The following TPRG1 variants were observed in gnomAD, a reference collection of about 807,000 sequenced individuals.
The protein encoded by TPRG1 is tumor protein p63 regulated 1, also known as tumor protein p63-regulated gene 1 protein.
TPRG1 carries 29 observed loss-of-function variants against 29.3 expected under a neutral mutation model. That is an observed-to-expected ratio of 0.99 (90% CI 0.74 to 1.35). The LOEUF (loss-of-function observed/expected upper bound fraction) is 1.35. TPRG1 is among the 40% of genes most tolerant of loss of function. The pLI is 0.00. For synonymous variants in TPRG1, 130 were observed against 116.8 expected, an observed-to-expected ratio of 1.11 and a Z score of -0.73; for missense variants, 327 against 335.0, an observed-to-expected ratio of 0.98 and a Z score of 0.19.
intron 4 of TPRG1, among the ~76,000 whole-genome samples, chr3:189,074,905 G>A (rs555048554): frequency 9.9e-5 from 15 of 151,342 alleles, no homozygotes; most frequent in African/African-American, 3.6e-4. Flanking sequence ...TCCGCCTCCC[G>A]GGTTCCCGCC....
intron 2 of TPRG1, among the ~76,000 whole-genome samples, chr3:189,127,397 G>A (rs1386926358): frequency 6.6e-6 from 1 of 152,160 alleles, no homozygotes; most frequent in Admixed American, 6.5e-5. Flanking sequence ...TCATATAGGT[G>A]CTGACATATG....
chr3:189,139,460 A>G (rs1399612637), intron 3 of TPRG1, among the ~76,000 whole-genome samples: 1 of 152,192 alleles, frequency 6.6e-6, no homozygotes, highest in Non-Finnish European at 1.5e-5. Context: ...GAGCACGTAC[A>G]TGTTAGCTGT....
intron 5 of TPRG1, among the ~76,000 whole-genome samples, chr3:189,165,437 T>TTTTTTTTTTTTTTTTTTGAG (rs1203050317): frequency 6.7e-6 from 1 of 149,850 alleles, no homozygotes; most frequent in African/African-American, 2.4e-5. Context: ...CTCAAACTTT[T>TTTTTTTTTTTTTTTTTTGAG]ATGTGCATAA....
chr3:189,280,137 A>G (rs994391294), intron 4 of TPRG1, among the ~76,000 whole-genome samples: 10 of 152,040 alleles, frequency 6.6e-5, no homozygotes, highest in African/African-American at 1.7e-4. Flanking sequence ...TCATATCAGC[A>G]CCTGTTGTTT....
chr3:189,092,248 G>A (rs749590871), intron 4 of TPRG1, among the ~76,000 whole-genome samples: 6 of 152,108 alleles, frequency 3.9e-5, no homozygotes, highest in Non-Finnish European at 7.4e-5. Flanking sequence ...TGTGGGATCT[G>A]TTAAAATGCA....
At chr3:189,228,392 TA>T (rs201483789) in intron 3 of TPRG1, among the ~76,000 whole-genome samples, 26 of 151,824 alleles carry the variant, frequency 1.7e-4, no homozygotes, top group African/African-American at 4.6e-4. Flanking sequence ...AACACAGTAT[TA>T]AAAAAAATTG....
upstream of TPRG1, among the ~76,000 whole-genome samples, chr3:189,097,814 T>G (rs75925198): frequency 0.023 from 3,524 of 152,306 alleles, 142 homozygotes; most frequent in African/African-American, 0.08. Context: ...TGAAAATAAT[T>G]GGACCTTGTG....
chr3:189,179,782 A>C (rs1299303672), intron 1 of TPRG1, among the ~76,000 whole-genome samples: 1 of 152,222 alleles, frequency 6.6e-6, no homozygotes, highest in East Asian at 1.9e-4. Context: ...TTAGAGTTGC[A>C]CTAGGGAGGT....
intron 5 of TPRG1, among the ~76,000 whole-genome samples, chr3:189,162,912 T>C (rs951804454): frequency 6.6e-6 from 1 of 152,234 alleles, no homozygotes; most frequent in Non-Finnish European, 1.5e-5. Flanking sequence ...TTCTGGCACA[T>C]GATAAGCACT....
At chr3:189,131,079 C>A (rs1159656217) in intron 2 of TPRG1, among the ~76,000 whole-genome samples, 1 of 152,182 alleles carries the variant, frequency 6.6e-6, no homozygotes, top group African/African-American at 2.4e-5. Context: ...CAGAACAGTT[C>A]AGATTTATCC....
Position 189,194,157 on chromosome 3 carries a change from C to A in TPRG1, c.-9-13219C>A, listed in dbSNP as rs1384781091. 2.0e-5 allele frequency among the ~76,000 whole-genome samples: 3 copies of A among 151,910 alleles called. No homozygotes were observed. The South Asian group carries it at 6.3e-4, about 32-fold the overall frequency. ...TTCTGCATAGGTGCAATGGTATGAT[C>A]TCTGTGCAGCTTCTTTAGCTGTATT... On this transcript the variant is annotated intron_variant, in intron 1 of 5. Transcript: ENST00000345063.
intron 4 of TPRG1, among the ~76,000 whole-genome samples, chr3:189,026,281 G>C (rs1713657558): frequency 6.6e-6 from 1 of 152,232 alleles, no homozygotes; most frequent in Non-Finnish European, 1.5e-5. Flanking sequence ...AAACGACAGA[G>C]AGAGAGAGTG....
intron 3 of TPRG1, among the ~76,000 whole-genome samples, chr3:189,010,940 A>G (rs951155654): frequency 6.6e-6 from 1 of 152,104 alleles, no homozygotes; most frequent in Non-Finnish European, 1.5e-5. Context: ...TTTTTTTGGT[A>G]TATGGTGTAA....
chr3:189,141,163 T>C (rs1724501388), intron 3 of TPRG1, among the ~76,000 whole-genome samples: 1 of 152,214 alleles, frequency 6.6e-6, no homozygotes, highest in Non-Finnish European at 1.5e-5. Context: ...AAAAATCCTT[T>C]TTTCAAGGAA....
chr3:189,013,768 C>CTTAT lies in TPRG1; in HGVS notation c.-660+9009_-660+9012dup, dbSNP rs1392075368. 2.6e-5 allele frequency among the ~76,000 whole-genome samples: 4 copies of CTTAT among 152,166 alleles called. No individual in the cohort carries two copies. The East Asian group carries it at 7.7e-4, about 29-fold the overall frequency. On this transcript the variant is annotated intron_variant, in intron 3 of 10. Transcript: ENST00000433971. ...GCTACATATATATGAACCCTCTACCCTTATATATTGCCCTTCTTTGTCTTT... is the reference window on the plus strand; with the variant it reads ...GCTACATATATATGAACCCTCTACCCTTATTTATATATTGCCCTTCTTTGTCTTT...
At chr3:189,014,993 G>C (rs1286653077) in intron 3 of TPRG1, among the ~76,000 whole-genome samples, 4 of 152,160 alleles carry the variant, frequency 2.6e-5, no homozygotes, top group Non-Finnish European at 4.4e-5. Context: ...GTAGAGGTTG[G>C]AACAGTTTGG....
chr3:189,146,990 C>T (rs576856964), intron 3 of TPRG1, among the ~76,000 whole-genome samples: 54 of 152,308 alleles, frequency 3.5e-4, no homozygotes, highest in African/African-American at 1.3e-3. Flanking sequence ...ACAGCGTCCC[C>T]TCTGGGGTCC....
chr3:189,077,553 G>A (rs964476351), intron 4 of TPRG1, among the ~76,000 whole-genome samples: 2 of 151,996 alleles, frequency 1.3e-5, no homozygotes, highest in Non-Finnish European at 2.9e-5. Flanking sequence ...ATTTTGTTGC[G>A]GGAATGATTA....
intron 4 of TPRG1, among the ~76,000 whole-genome samples, chr3:189,036,571 CCAGA>C (rs1164324544): frequency 1.3e-5 from 2 of 151,574 alleles, no homozygotes; most frequent in Non-Finnish European, 2.9e-5. Context: ...TAATGCTATC[CCAGA>C]CAAAGGAGGA....
Sources: allele counts gnomAD v4.1 joint callset (sites outside exome capture counted in the v4.1 genomes callset), GRCh38; gene constraint gnomAD v4.1.1; transcripts MANE v1.5; gene names NCBI Gene and HGNC (gene_info 2026-07-23, HGNC 2026-07-21).